Variants in FRMD3 observed in about 807,000 individuals in gnomAD.
The protein encoded by FRMD3 is FERM domain-containing protein 3.
A neutral mutation model predicts 70.2 loss-of-function variants in FRMD3; 33 were observed. That is an observed-to-expected ratio of 0.47 (90% CI 0.36 to 0.63). The LOEUF (loss-of-function observed/expected upper bound fraction) is 0.63. Ranked by LOEUF, FRMD3 falls within the 20% of genes least tolerant of loss-of-function variation. The pLI, the probability that FRMD3 is intolerant of heterozygous loss-of-function variation, is 0.00. For synonymous variants in FRMD3, 279 were observed against 255.9 expected, an observed-to-expected ratio of 1.09 and a Z score of -0.86; for missense variants, 632 against 711.4, an observed-to-expected ratio of 0.89 and a Z score of 1.27.
intron 11 of FRMD3, 58 bp downstream of exon 11, chr9:83,299,054 A>T: frequency 7.6e-7 from 1 of 1,313,316 alleles, no homozygotes; most frequent in East Asian, 2.3e-5. Context: ...CAGAATTTTG[A>T]AATTTAAGTG....
chr9:83,254,054 G>A (rs1330702725), intron 13 of FRMD3, among the ~76,000 whole-genome samples: 3 of 144,390 alleles, frequency 2.1e-5, no homozygotes, highest in Non-Finnish European at 4.5e-5. Flanking sequence ...TCATAGGTGG[G>A]AATTGAACAA....
At chr9:83,429,990 C>T (rs566100717) in intron 1 of FRMD3, among the ~76,000 whole-genome samples, 101 of 152,300 alleles carry the variant, frequency 6.6e-4, no homozygotes, top group Non-Finnish European at 1.0e-3. Flanking sequence ...CCACCATTGC[C>T]AGTTTCTTAG....
intron 2 of FRMD3, among the ~76,000 whole-genome samples, chr9:83,381,872 T>C (rs945835876): frequency 1.1e-4 from 17 of 152,216 alleles, no homozygotes; most frequent in African/African-American, 3.4e-4. Flanking sequence ...AACCCTGCTA[T>C]TGGAGCATGA....
At chr9:83,403,238 C>T (rs1055867184) in intron 1 of FRMD3, among the ~76,000 whole-genome samples, 2 of 151,960 alleles carry the variant, frequency 1.3e-5, no homozygotes, top group African/African-American at 4.8e-5. Flanking sequence ...AAATTCCCTC[C>T]CCCAGGCCAA....
chr9:83,486,967 A>T (rs977626719), intron 1 of FRMD3, among the ~76,000 whole-genome samples: 1 of 152,224 alleles, frequency 6.6e-6, no homozygotes, highest in African/African-American at 2.4e-5. Flanking sequence ...GAAGCCATAA[A>T]CTGATTATGA....
the FRMD3 span, among the ~76,000 whole-genome samples, chr9:83,549,483 C>T: frequency 2.6e-5 from 4 of 152,080 alleles, no homozygotes; most frequent in East Asian, 7.7e-4. Context: ...AATAGGATTG[C>T]TGTGTTGAAT....
At chr9:83,266,663 A>T (rs886245183) in intron 13 of FRMD3, among the ~76,000 whole-genome samples, 1 of 152,090 alleles carries the variant, frequency 6.6e-6, no homozygotes, top group African/African-American at 2.4e-5. Context: ...GCGTGTTGTG[A>T]TCATCCATTC....
intron 13 of FRMD3, among the ~76,000 whole-genome samples, chr9:83,264,333 A>G (rs953610136): frequency 3.3e-5 from 5 of 152,244 alleles, no homozygotes; most frequent in Admixed American, 6.5e-5. Context: ...TAGGTGGAAC[A>G]CAGAACTTTT....
chr9:83,473,419 G>A (rs993784908), intron 1 of FRMD3, among the ~76,000 whole-genome samples: 1 of 152,014 alleles, frequency 6.6e-6, no homozygotes, highest in Non-Finnish European at 1.5e-5. Flanking sequence ...TTAGCCCTTC[G>A]CCTTTTATTA....
At chr9:83,506,389 T>C (rs79884846) in intron 1 of FRMD3, among the ~76,000 whole-genome samples, 2 of 152,368 alleles carry the variant, frequency 1.3e-5, no homozygotes, top group African/African-American at 4.8e-5. Context: ...TACAGACTAC[T>C]ATGCACCCAG....
chr9:83,408,419 C>A (rs1826188135), intron 1 of FRMD3, among the ~76,000 whole-genome samples: 1 of 152,136 alleles, frequency 6.6e-6, no homozygotes, highest in African/African-American at 2.4e-5. Context: ...TAAGAACCCC[C>A]ACTGGGCCCA....
At chr9:83,350,497 C>CCTGT (rs578043938) in intron 3 of FRMD3, among the ~76,000 whole-genome samples, 186 of 151,188 alleles carry the variant, frequency 1.2e-3, no homozygotes, top group African/African-American at 4.3e-3. Context: ...GTGGCACATG[C>CCTGT]CTGTAATCCC....
At chr9:83,299,244 G>A (rs928307994) in intron 10 of FRMD3, 58 bp from the exon 11 acceptor site, 11 of 1,078,414 alleles carry the variant, frequency 1.0e-5, no homozygotes, top group Middle Eastern at 2.0e-4. Context: ...CTTACAACAT[G>A]CTATAGAGGT....
chr9:83,461,239 T>C (rs1025351970), intron 1 of FRMD3, among the ~76,000 whole-genome samples: 1 of 152,126 alleles, frequency 6.6e-6, no homozygotes, highest in East Asian at 1.9e-4. Context: ...AGGGAAAATT[T>C]GAAGATGCTG....
chr9:83,506,868 T>C (rs1314859686), intron 1 of FRMD3, among the ~76,000 whole-genome samples: 2 of 152,242 alleles, frequency 1.3e-5, no homozygotes, highest in East Asian at 3.8e-4. Flanking sequence ...ATCCTTATTC[T>C]ATAAGCTTTG....
upstream of FRMD3, among the ~76,000 whole-genome samples, chr9:83,539,855 G>A (rs147647730): frequency 9.2e-5 from 14 of 152,326 alleles, no homozygotes; most frequent in East Asian, 2.5e-3. Flanking sequence ...CTCAATAGCT[G>A]ACTATTGCTT....
chr9:83,534,430 G>A (rs1244874800), intron 1 of FRMD3, among the ~76,000 whole-genome samples: 1 of 152,194 alleles, frequency 6.6e-6, no homozygotes, highest in Non-Finnish European at 1.5e-5. Flanking sequence ...TTATTTAAAA[G>A]CTGTTATTTT....
intron 1 of FRMD3, among the ~76,000 whole-genome samples, chr9:83,437,446 T>C (rs1827168747): frequency 6.6e-6 from 1 of 152,238 alleles, no homozygotes; most frequent in Non-Finnish European, 1.5e-5. Flanking sequence ...CATTCTATAT[T>C]TGTATGAGAG....
At chr9:83,290,811 T>C (rs1834389695) in intron 12 of FRMD3, 84 bp from the exon 13 acceptor site, 3 of 1,463,002 alleles carry the variant, frequency 2.1e-6, no homozygotes, top group Non-Finnish European at 2.8e-6. Context: ...CAAGCTACCA[T>C]TTTGTGTCTA....
Sources: gnomAD v4.1 joint callset for allele counts (sites outside exome capture counted in the v4.1 genomes callset) on GRCh38, gnomAD v4.1.1 for gene constraint, MANE v1.5 for transcripts, NCBI Gene and HGNC (gene_info 2026-07-23, HGNC 2026-07-21) for gene names.